The following PALLD variants were observed in gnomAD, a reference collection of about 807,000 sequenced individuals.
The protein encoded by PALLD is palladin.
Under a neutral mutation model 123.5 loss-of-function variants are expected in PALLD, and 61 were observed. The ratio of observed to expected loss-of-function variants is 0.49; its 90% CI spans 0.40 to 0.61. The LOEUF (loss-of-function observed/expected upper bound fraction) is 0.61. Among genes scored for constraint, PALLD ranks in the 20% least tolerant of loss-of-function variants. The pLI is 0.00. For synonymous variants in PALLD, 465 were observed against 496.4 expected, an observed-to-expected ratio of 0.94 and a Z score of 0.84; for missense variants, 1,273 against 1,377.0, an observed-to-expected ratio of 0.92 and a Z score of 1.20.
intron 10 of PALLD, chr4:168,712,380 G>A: frequency 4.3e-6 from 1 of 230,228 alleles, no homozygotes; most frequent in Admixed American, 5.1e-5. Context: ...GGAAATTCAG[G>A]GTGCAGATCC....
rs369743271 is a variant in PALLD, at chr4:168,916,716, C to G, written c.2850+689C>G. 5.6e-5 allele frequency among the ~76,000 whole-genome samples: 8 copies of G among 143,918 alleles called. No individual in the cohort carries two copies. In the South Asian group the frequency reaches 8.8e-4, roughly 16 times the overall value. The allele number at this position is 143,918 out of a possible 152,430, so 94.4% of individuals were successfully genotyped here. ...TTTTTTTTTGAGACAGAGTCTCACT[C>G]TGTCACCAGGCTGGAGTGCAGTGGT... On this transcript the variant is annotated intron_variant, in intron 17 of 21. Coordinates refer to ENST00000505667, the MANE Select transcript of PALLD (RefSeq NM_001166108.2).
At chr4:168,854,214 G>T (rs934994866) in intron 10 of PALLD, among the ~76,000 whole-genome samples, 2 of 152,160 alleles carry the variant, frequency 1.3e-5, no homozygotes, top group East Asian at 3.9e-4. Flanking sequence ...CTGTATCTAA[G>T]ATAATACATT....
intron 2 of PALLD, among the ~76,000 whole-genome samples, chr4:168,542,416 T>C (rs1580221242): frequency 6.6e-6 from 1 of 151,622 alleles, no homozygotes; most frequent in East Asian, 1.9e-4. Context: ...AAAAGAAAAT[T>C]TTTTAAAATA....
chr4:168,752,992 A>G (rs1244267060), intron 10 of PALLD, among the ~76,000 whole-genome samples: 7 of 152,098 alleles, frequency 4.6e-5, no homozygotes, highest in Admixed American at 4.6e-4. Flanking sequence ...AAGCTTTTAC[A>G]TGGGGTGAAA....
intron 5 of PALLD, 83 bp from the exon 6 acceptor site, chr4:168,685,402 C>G: frequency 1.2e-6 from 1 of 856,330 alleles, no homozygotes; most frequent in South Asian, 1.3e-5. Flanking sequence ...AGTGGGTGAT[C>G]CCCATAATGA....
At chr4:168,922,668 TGTG>T (rs1228998589) in intron 18 of PALLD, among the ~76,000 whole-genome samples, 2 of 152,360 alleles carry the variant, frequency 1.3e-5, no homozygotes, top group South Asian at 2.1e-4. Context: ...CACATAAAAA[TGTG>T]GTAAATATGT....
intron 10 of PALLD, among the ~76,000 whole-genome samples, chr4:168,866,374 C>CA (rs143054862): frequency 6.6e-6 from 1 of 151,618 alleles, no homozygotes; most frequent in East Asian, 1.9e-4. Flanking sequence ...CAAACGTGTT[C>CA]AAAAAAGAGA....
intron 2 of PALLD, among the ~76,000 whole-genome samples, chr4:168,522,932 G>C (rs934715506): frequency 7.2e-5 from 11 of 152,134 alleles, no homozygotes; most frequent in Non-Finnish European, 1.5e-4. Context: ...GTGAAAACTA[G>C]CTTTGTTCTC....
intron 2 of PALLD, among the ~76,000 whole-genome samples, chr4:168,554,018 A>G (rs1767014316): frequency 6.6e-6 from 1 of 152,354 alleles, no homozygotes; most frequent in African/African-American, 2.4e-5. Flanking sequence ...GGTCCGTGGC[A>G]GCAGAGACCA....
chr4:168,844,210 A>G lies in PALLD; in HGVS notation c.1965-46712A>G, dbSNP rs757473669. ...TTTCTAGAAGACTAAATAACCTGTA[A>G]AAGATTAAAAACCATGATTGAGTGT... On this transcript the variant is annotated intron_variant, in intron 10 of 21. Transcript: ENST00000505667. This position sits in a 1 kb window ranked among gnomAD's most constrained non-coding sequence, Gnocchi z 4.5. 6.6e-6 allele frequency: 1 copy of G among 152,226 alleles called. No individual in the cohort carries two copies. The highest frequency in any genetic ancestry group is 1.5e-5 in the Non-Finnish European group (1 of 68,040). The allele number at this position is 152,226 out of a possible 1,614,324, so 9.4% of individuals were successfully genotyped here.
At chr4:168,837,430 G>A (rs1048691187) in intron 10 of PALLD, among the ~76,000 whole-genome samples, 15 of 152,222 alleles carry the variant, frequency 9.9e-5, no homozygotes, top group Non-Finnish European at 2.2e-4. Context: ...CACATATGTA[G>A]ACATCTTATT....
At chr4:168,889,637 G>T (rs1403360451) in intron 10 of PALLD, among the ~76,000 whole-genome samples, 2 of 152,102 alleles carry the variant, frequency 1.3e-5, no homozygotes, top group Admixed American at 1.3e-4. Context: ...TCCCTGAGAG[G>T]TAACTGCTAC....
chr4:168,739,671 A>G (rs1022492961), intron 10 of PALLD, among the ~76,000 whole-genome samples: 3 of 152,210 alleles, frequency 2.0e-5, no homozygotes, highest in Non-Finnish European at 2.9e-5. Flanking sequence ...AATATCACAT[A>G]TCCCCCATTA....
chr4:168,512,560 C>T (rs949151240), intron 2 of PALLD, 148 bp downstream of exon 2: 17 of 775,228 alleles, frequency 2.2e-5, no homozygotes, highest in African/African-American at 1.4e-4. Flanking sequence ...AGAATCGCCA[C>T]TATGAGTTGT....
At chr4:168,559,013 T>C (rs1767599867) in intron 2 of PALLD, among the ~76,000 whole-genome samples, 1 of 152,246 alleles carries the variant, frequency 6.6e-6, no homozygotes, top group Non-Finnish European at 1.5e-5. Flanking sequence ...ATTATCCATA[T>C]GATTTGATTT....
intron 2 of PALLD, among the ~76,000 whole-genome samples, chr4:168,519,455 T>TA (rs1297376265): frequency 6.6e-6 from 1 of 152,214 alleles, no homozygotes; most frequent in Admixed American, 6.5e-5. Context: ...TAGGTTGGCT[T>TA]TTAGCCATTT....
chr4:168,654,969 A>G (rs1778411785), intron 2 of PALLD, among the ~76,000 whole-genome samples: 1 of 129,270 alleles, frequency 7.7e-6, no homozygotes, highest in South Asian at 2.8e-4. Flanking sequence ...ATCCAGGCAT[A>G]TATGTATATG....
chr4:168,873,885 C>T (rs1189569822), intron 10 of PALLD, among the ~76,000 whole-genome samples: 3 of 152,244 alleles, frequency 2.0e-5, no homozygotes, highest in Admixed American at 6.5e-5. Context: ...GAGGAGAAGG[C>T]GGAGGAGCAG....
At chr4:168,854,200 T>A (rs923680448) in intron 10 of PALLD, among the ~76,000 whole-genome samples, 4 of 151,976 alleles carry the variant, frequency 2.6e-5, no homozygotes, top group Non-Finnish European at 5.9e-5. Context: ...TCATGGATGG[T>A]ATGCTGTATC....
Sources: allele counts gnomAD v4.1 joint callset (sites outside exome capture counted in the v4.1 genomes callset), GRCh38; gene constraint gnomAD v4.1.1; non-coding constraint Gnocchi (gnomAD v3.1); transcripts MANE v1.5; gene names NCBI Gene and HGNC (gene_info 2026-07-23, HGNC 2026-07-21).